PLSCR2: variants seen among roughly 807,000 people sequenced by gnomAD.
PLSCR2 encodes the protein phospholipid scramblase 2.
A neutral mutation model predicts 25.3 loss-of-function variants in PLSCR2; 18 were observed. The observed-to-expected ratio is 0.71, with a 90% CI of 0.49 to 1.06. PLSCR2 has a LOEUF of 1.06. Among genes scored for constraint, PLSCR2 ranks in the 50% least tolerant of loss-of-function variants. The pLI, the probability that PLSCR2 is intolerant of heterozygous loss-of-function variation, is 0.00. For missense variants in PLSCR2, 243 were observed against 269.5 expected, an observed-to-expected ratio of 0.90 and a Z score of 0.69; for synonymous variants, 88 against 87.3, an observed-to-expected ratio of 1.01 and a Z score of -0.04.
intron 1 of PLSCR2, among the ~76,000 whole-genome samples, chr3:146,485,668 T>G (rs151172893): frequency 6.6e-6 from 1 of 152,140 alleles, no homozygotes; most frequent in Non-Finnish European, 1.5e-5. Flanking sequence ...CATACAGCTA[T>G]CTGAAGATTG....
chr3:146,401,039 TAG>T (rs1428350003), intron 2 of PLSCR2, among the ~76,000 whole-genome samples: 2 of 152,020 alleles, frequency 1.3e-5, no homozygotes, highest in South Asian at 2.1e-4. Context: ...AATATAAATA[TAG>T]AGTTTCTATA....
chr3:146,447,995 CTG>C lies in PLSCR2; in HGVS notation c.645+1209_645+1210del, dbSNP rs769207946. Among the ~76,000 whole-genome samples, 129 of 152,166 alleles carry C rather than the reference CTG, an allele frequency of 8.5e-4. 1 individual carries two copies. Among genetic ancestry groups the C allele is most frequent in the Non-Finnish European group, 1.4e-3 (96 of 68,022 alleles). On this transcript the variant is annotated intron_variant, in intron 6 of 6. Coordinates refer to ENST00000610787, the Ensembl canonical transcript of PLSCR2. Reference sequence around the variant, plus strand: ...GTTCCAATGCAAAGTCCCACAATCACTGTGTTCTCCCTCCCCCAACCACACAG... The same window carrying C: ...GTTCCAATGCAAAGTCCCACAATCACTGTTCTCCCTCCCCCAACCACACAG...
chr3:146,393,808 C>CAA lies in PLSCR2; in HGVS notation c.*145+1950_*145+1951dup, dbSNP rs71849356. Among the ~76,000 whole-genome samples, 18 of 123,732 alleles carry CAA rather than the reference C, an allele frequency of 1.5e-4. 3 individuals are homozygous for CAA. The highest frequency in any genetic ancestry group is 1.7e-4 in the Non-Finnish European group (10 of 58,470). 81.2% of individuals were successfully genotyped at this position (123,732 alleles called of 152,430 possible). On this transcript the variant is annotated intron_variant and NMD_transcript_variant, in intron 3 of 3. Coordinates refer to the PLSCR2 transcript ENST00000463633. ...CAGCCTGGCGACAGAGACTCCGTCT[C>CAA]AAAAAAAAAAAAAAAACTTCTAAAT...
intron 1 of PLSCR2, among the ~76,000 whole-genome samples, chr3:146,487,197 A>G (rs199553151): frequency 1.3e-5 from 2 of 152,152 alleles, no homozygotes; most frequent in African/African-American, 4.8e-5. Context: ...TGATGAACCC[A>G]CAGCCAATAT....
downstream of PLSCR2, among the ~76,000 whole-genome samples, chr3:146,438,102 C>A (rs1281125510): frequency 6.6e-6 from 1 of 152,168 alleles, no homozygotes; most frequent in Non-Finnish European, 1.5e-5. Flanking sequence ...GTTTCTTAAT[C>A]CTTAGTTCTA....
chr3:146,494,022 G>A (rs1357738455), intron 1 of PLSCR2, among the ~76,000 whole-genome samples: 1 of 151,984 alleles, frequency 6.6e-6, no homozygotes, highest in Non-Finnish European at 1.5e-5. Context: ...TGTGAATCTG[G>A]GGATTGGAGG....
chr3:146,484,902 G>A (rs2043286263), intron 1 of PLSCR2, among the ~76,000 whole-genome samples: 1 of 151,974 alleles, frequency 6.6e-6, no homozygotes, highest in Non-Finnish European at 1.5e-5. Context: ...TAACCAAATA[G>A]CATCATGATA....
At chr3:146,470,163 A>G (rs1454950552) in intron 1 of PLSCR2, among the ~76,000 whole-genome samples, 2 of 152,000 alleles carry the variant, frequency 1.3e-5, no homozygotes, top group African/African-American at 4.8e-5. Flanking sequence ...TAGAATGTTT[A>G]ATTTTTCAGG....
chr3:146,486,732 A>G (rs2043358342), intron 1 of PLSCR2, among the ~76,000 whole-genome samples: 1 of 152,146 alleles, frequency 6.6e-6, no homozygotes, highest in Non-Finnish European at 1.5e-5. Flanking sequence ...GAATTCTACC[A>G]GAAATACAAA....
chr3:146,424,257 A>G (rs1420839268), intron 2 of PLSCR2, among the ~76,000 whole-genome samples: 2 of 152,074 alleles, frequency 1.3e-5, no homozygotes, highest in Non-Finnish European at 2.9e-5. Context: ...TGTGCCCAGA[A>G]AGTGACAGAG....
Position 146,423,234 on chromosome 3 carries a change from C to CCTCTCTCTCT in PLSCR2, c.101-27323_101-27314dup, listed in dbSNP as rs200145864. 1.9e-3 allele frequency among the ~76,000 whole-genome samples: 100 copies of CCTCTCTCTCT among 53,468 alleles called. 1 individual carries two copies. The highest frequency in any genetic ancestry group is 6.6e-3 in the African/African-American group (93 of 14,154). The allele number at this position is 53,468 out of a possible 152,430, so 35.1% of individuals were successfully genotyped here. A position where few individuals can be genotyped will look rare whatever the true frequency, so the allele number is the denominator to read the frequency against. On this transcript the variant is annotated intron_variant and NMD_transcript_variant, in intron 2 of 3. Transcript: ENST00000463633. ...CTGTCTCTTTCCTCTCCTTGCAGTG[C>CCTCTCTCTCT]CTCTCTCTCTCTCTCTCTCTCTCTC...
downstream of PLSCR2, among the ~76,000 whole-genome samples, chr3:146,429,008 G>A (rs1010083673): frequency 7.9e-5 from 12 of 152,074 alleles, no homozygotes; most frequent in African/African-American, 2.7e-4. Context: ...CCCTGGACCC[G>A]CATTAGATCA....
chr3:146,481,834 A>T (rs773110455), intron 1 of PLSCR2, among the ~76,000 whole-genome samples: 19 of 152,244 alleles, frequency 1.2e-4, no homozygotes, highest in Non-Finnish European at 2.1e-4. Context: ...AAATTATACT[A>T]CAAGGTTACA....
chr3:146,478,209 C>G (rs999741378), intron 1 of PLSCR2, among the ~76,000 whole-genome samples: 3 of 152,170 alleles, frequency 2.0e-5, no homozygotes, highest in Non-Finnish European at 2.9e-5. Flanking sequence ...TGCTCACCAG[C>G]AATGGAACAA....
chr3:146,469,427 G>A (rs189517124), intron 1 of PLSCR2, 68 bp downstream of exon 1: 4 of 910,984 alleles, frequency 4.4e-6, no homozygotes, highest in African/African-American at 3.6e-5. Flanking sequence ...ATGGGGCGGA[G>A]CATCGTCCCC....
At chr3:146,405,522 G>A (rs895155172) in intron 2 of PLSCR2, among the ~76,000 whole-genome samples, 20 of 152,004 alleles carry the variant, frequency 1.3e-4, no homozygotes, top group Non-Finnish European at 1.9e-4. Flanking sequence ...AAAAGGGAGA[G>A]TCTAAAAACA....
Position 146,473,397 on chromosome 3 carries a change from TC to T in PLSCR2, c.-292-13114del, listed in dbSNP as rs1263892965. ...TCAGCTCACTGCAGCAACCTCCACC[TC>T]CCAGGATCAAGCAATTCTCCTACCT... On this transcript the variant is annotated intron_variant, in intron 1 of 8. Transcript: ENST00000336685. Among the ~76,000 whole-genome samples, 5 of 144,624 alleles carry T rather than the reference TC, an allele frequency of 3.5e-5. No homozygotes were observed. In the Admixed American group the frequency reaches 3.6e-4, roughly 10 times the overall value. 94.9% of individuals were successfully genotyped at this position (144,624 alleles called of 152,430 possible).
At chr3:146,455,316 T>G in exon 4 of PLSCR2, 1 of 1,614,030 alleles carries the variant, frequency 6.2e-7, no homozygotes, top group Non-Finnish European at 8.5e-7. Context: ...CGACCCACAT[T>G]ATCAGTAATC....
At chr3:146,404,610 A>G (rs534633247) in intron 2 of PLSCR2, among the ~76,000 whole-genome samples, 94 of 152,164 alleles carry the variant, frequency 6.2e-4, no homozygotes, top group Non-Finnish European at 1.2e-3. Flanking sequence ...ATTCCACCCA[A>G]TAGTCTCAAA....
Sources: gnomAD v4.1 joint callset for allele counts (sites outside exome capture counted in the v4.1 genomes callset) on GRCh38, gnomAD v4.1.1 for gene constraint, MANE v1.5 for transcripts, NCBI Gene and HGNC (gene_info 2026-07-23, HGNC 2026-07-21) for gene names.